Variants in EMB observed in about 807,000 individuals in gnomAD.
EMB encodes the protein embigin homolog.
In EMB, 31 loss-of-function variants were observed where a neutral mutation model predicts 41.4. The observed-to-expected ratio is 0.75, with a 90% CI of 0.56 to 1.01. EMB has a LOEUF of 1.01. EMB is among the 50% of genes least tolerant of loss of function. The pLI is 0.00. For missense variants in EMB, 379 were observed against 388.3 expected (o/e 0.98, Z 0.20); for synonymous variants, 137 against 140.4 (o/e 0.98, Z 0.17).
chr5:50,439,194 G>A (rs1428728359), intron 1 of EMB, among the ~76,000 whole-genome samples: 6 of 151,984 alleles, frequency 3.9e-5, no homozygotes, highest in Non-Finnish European at 8.8e-5. Context: ...GAGAATCAAA[G>A]TTCTACAATG....
intron 5 of EMB, among the ~76,000 whole-genome samples, chr5:50,403,738 G>A (rs986083868): frequency 2.6e-5 from 4 of 151,846 alleles, no homozygotes; most frequent in South Asian, 2.1e-4. Flanking sequence ...TATTATAGAA[G>A]AATTAAAAAC....
At chr5:50,414,956 T>C (rs1007337173) in intron 2 of EMB, among the ~76,000 whole-genome samples, 7 of 152,320 alleles carry the variant, frequency 4.6e-5, no homozygotes, top group Non-Finnish European at 1.0e-4. Flanking sequence ...ATTCAACTAT[T>C]AACTCTAATG....
intron 7 of EMB, 131 bp downstream of exon 7, chr5:50,402,155 C>T: frequency 3.3e-6 from 3 of 915,402 alleles, no homozygotes; most frequent in Non-Finnish European, 5.2e-6. Context: ...AGCCACTTTC[C>T]ACCACCACGT....
At chr5:50,421,951 C>T (rs1354508257) in intron 2 of EMB, among the ~76,000 whole-genome samples, 1 of 150,592 alleles carries the variant, frequency 6.6e-6, no homozygotes, top group Admixed American at 6.6e-5. Context: ...TGTTAAATGA[C>T]GAGTTAATGG....
In EMB at chr5:50,429,446, T is replaced by C. The variant is rs1248698899; in HGVS notation, c.113-1219A>G. Among the ~76,000 whole-genome samples the C allele has an allele frequency of 2.0e-5, 3 of 152,372 alleles. No homozygotes were observed. In the East Asian group the frequency reaches 5.8e-4, roughly 29 times the overall value. ...GATTTCCAGTTCTTTCATTTTCTTA[T>C]ATGTAAAAGTTAGTGATCACTTTTG... On this transcript the variant is annotated intron_variant, in intron 1 of 8. Coordinates refer to ENST00000303221, the MANE Select transcript of EMB (RefSeq NM_198449.3).
chr5:50,415,350 G>C (rs1438787729), intron 2 of EMB, among the ~76,000 whole-genome samples: 1 of 152,056 alleles, frequency 6.6e-6, no homozygotes, highest in African/African-American at 2.4e-5. Flanking sequence ...TCTATACCTT[G>C]CATGTGCAAA....
chr5:50,409,611 G>A lies in EMB; in HGVS notation c.472+1266C>T, dbSNP rs561522764. On this transcript the variant is annotated intron_variant, in intron 4 of 8. Coordinates refer to ENST00000303221, the MANE Select transcript of EMB (RefSeq NM_198449.3). ...AGGAAGGAGGCAGGAAGGGAAGGAA[G>A]GAAATGAACTCAAAAGGTGGGAGGG... 9.9e-5 allele frequency among the ~76,000 whole-genome samples: 15 copies of A among 151,286 alleles called. No homozygotes were observed. The East Asian group carries it at 2.7e-3, about 28-fold the overall frequency.
Position 50,441,136 on chromosome 5 carries a change from C to T in EMB, c.16G>A (p.Gly6Ser). MRALP[G>S]LLEARARTPR... ...GTACGCGCCCTGGCCTCCAGCAGGC[C>T]GGGGAGGGCGCGCATGGCGCCAGAG... is the stretch of plus-strand genomic sequence containing the variant. Residue 6 changes from glycine to serine, a missense_variant, in exon 1 of 9, where the codon GGC becomes AGC. Physicochemically the swap from Gly to Ser is moderately conservative, Grantham distance 56 (BLOSUM62 0). Transcript: ENST00000303221. 6.7e-7 allele frequency: 1 copy of T among 1,502,380 alleles called. No homozygotes were observed. Among genetic ancestry groups the T allele is most frequent in the Non-Finnish European group, 8.9e-7 (1 of 1,129,242 alleles). The allele number at this position is 1,502,380 out of a possible 1,614,324, so 93.1% of individuals were successfully genotyped here.
At chr5:50,402,196 T>C in intron 7 of EMB, 90 bp downstream of exon 7, 1 of 1,384,978 alleles carries the variant, frequency 7.2e-7, no homozygotes, top group Non-Finnish European at 1.0e-6. Context: ...CCTCTGCCTT[T>C]TCTCCCCCTA....
At chr5:50,415,607 G>T (rs2111809964) in intron 2 of EMB, among the ~76,000 whole-genome samples, 1 of 152,270 alleles carries the variant, frequency 6.6e-6, no homozygotes, top group East Asian at 1.9e-4. Context: ...TATGAGGTAA[G>T]TATCACTGCT....
rs1209241592 is a variant in EMB at position 50,398,787 on chromosome 5, A to C, written c.*486T>G. 1.3e-5 allele frequency: 2 copies of C among 152,456 alleles called. No homozygotes were observed. Among genetic ancestry groups the C allele is most frequent in the Non-Finnish European group, 2.9e-5 (2 of 68,000 alleles). 9.4% of individuals were successfully genotyped at this position (152,456 alleles called of 1,614,324 possible). ...AAGTATTCATTTCAACTTAGTAAAGACATATTTTTTCACTATCACAGAAAG... is the reference window on the plus strand; with the variant it reads ...AAGTATTCATTTCAACTTAGTAAAGCCATATTTTTTCACTATCACAGAAAG... On this transcript the variant is annotated 3_prime_UTR_variant, in exon 9 of 9. Transcript: ENST00000303221.
At chr5:50,431,752 A>G (rs138232526) in intron 1 of EMB, among the ~76,000 whole-genome samples, 3 of 152,344 alleles carry the variant, frequency 2.0e-5, no homozygotes, top group Non-Finnish European at 4.4e-5. Context: ...ATTCTTTTAC[A>G]GGTAGAGACA....
At position 50,439,641 on chromosome 5, in the gene EMB, G is replaced by C. The variant is rs192638677; in HGVS notation, c.112+1399C>G. On this transcript the variant is annotated intron_variant, in intron 1 of 8. Transcript: ENST00000303221. ...TCTTTATAAGTGGTATTATGGAAAA[G>C]AGATGTGGCACAAGGAAATCTGCGA... Among the ~76,000 whole-genome samples, 24 of 152,204 alleles carry C rather than the reference G, an allele frequency of 1.6e-4. 1 individual carries two copies. The highest frequency in any genetic ancestry group is 5.8e-4 in the African/African-American group (24 of 41,504).
intron 1 of EMB, among the ~76,000 whole-genome samples, chr5:50,430,131 T>C (rs1171213969): frequency 1.3e-5 from 2 of 152,180 alleles, no homozygotes; most frequent in African/African-American, 4.8e-5. Flanking sequence ...AGAGGTTATA[T>C]TAAAGACAAA....
intron 6 of EMB, 100 bp from the exon 7 acceptor site, chr5:50,402,419 G>A (rs1197394790): frequency 1.8e-6 from 2 of 1,099,638 alleles, no homozygotes; most frequent in African/African-American, 3.2e-5. Context: ...TAAGTACTAT[G>A]CTGTTTCTCC....
chr5:50,411,909 AT>A (rs1220835769), intron 2 of EMB: 2 of 152,176 alleles, frequency 1.3e-5, no homozygotes, highest in Admixed American at 6.6e-5. Flanking sequence ...TAAGGACTGG[AT>A]ATAGACATAG....
chr5:50,412,754 CA>C (rs1308836457), intron 2 of EMB, among the ~76,000 whole-genome samples: 1 of 151,940 alleles, frequency 6.6e-6, no homozygotes, highest in Non-Finnish European at 1.5e-5. Context: ...TAGAGAATTG[CA>C]GAGAAAAAGT....
chr5:50,421,180 G>C (rs1235266522), intron 2 of EMB, among the ~76,000 whole-genome samples: 1 of 152,098 alleles, frequency 6.6e-6, no homozygotes, highest in Non-Finnish European at 1.5e-5. Flanking sequence ...AATTCCAAGA[G>C]TATTTTTTAC....
intron 1 of EMB, among the ~76,000 whole-genome samples, chr5:50,435,080 T>G (rs1272238715): frequency 6.6e-6 from 1 of 152,216 alleles, no homozygotes; most frequent in Non-Finnish European, 1.5e-5. Context: ...TCAACTACTG[T>G]TTTAGTTTAA....
Sources: gnomAD v4.1 joint callset for allele counts (sites outside exome capture counted in the v4.1 genomes callset) on GRCh38, gnomAD v4.1.1 for gene constraint, MANE v1.5 for transcripts, NCBI Gene and HGNC (gene_info 2026-07-23, HGNC 2026-07-21) for gene names.